Variants in FMN1 observed in about 807,000 individuals in gnomAD.
FMN1 encodes formin 1, also known as formin-1.
FMN1 carries 110 observed loss-of-function variants against 132.4 expected under a neutral mutation model. The observed-to-expected ratio is 0.83, with a 90% CI of 0.71 to 0.97. FMN1 has a LOEUF of 0.97. FMN1 is among the 50% of genes least tolerant of loss of function. The pLI is 0.00. For synonymous variants in FMN1, 722 were observed against 651.7 expected, an observed-to-expected ratio of 1.11 and a Z score of -1.64; for missense variants, 1,792 against 1,705.3, an observed-to-expected ratio of 1.05 and a Z score of -0.90.
At chr15:32,783,615 C>T (rs112940280) in intron 19 of FMN1, among the ~76,000 whole-genome samples, 3,315 of 151,802 alleles carry the variant, frequency 0.022, 91 homozygotes, top group Admixed American at 0.071. Flanking sequence ...TGGTGGTGGG[C>T]GCCTGTAGTC....
Position 32,890,331 on chromosome 15 carries a change from C to A in FMN1, c.3715-2039G>T, listed in dbSNP as rs1389594287. Among the ~76,000 whole-genome samples, 5 of 152,208 alleles carry A rather than the reference C, an allele frequency of 3.3e-5. No homozygotes were observed. The South Asian group carries it at 1.0e-3, about 32-fold the overall frequency. On this transcript the variant is annotated intron_variant, in intron 15 of 20. Coordinates refer to ENST00000616417, the MANE Select transcript of FMN1 (RefSeq NM_001277313.2). ...TCAAATGACAGCTCTACTTTCAGTT[C>A]TTTAAGGAGTCTCCACACTGTTTTC...
chr15:32,829,215 C>G (rs188971552), intron 17 of FMN1, among the ~76,000 whole-genome samples: 8 of 152,304 alleles, frequency 5.3e-5, no homozygotes, highest in Non-Finnish European at 1.2e-4. Flanking sequence ...TACCCAATAA[C>G]AAAAATTTGC....
intron 4 of FMN1, chr15:33,150,202 T>G: frequency 1.0e-6 from 1 of 985,364 alleles, no homozygotes; most frequent in Non-Finnish European, 1.2e-6. Context: ...CAAAGGTAAA[T>G]GAAAGCAAGC....
At chr15:33,124,597 T>C (rs539798336) in intron 4 of FMN1, among the ~76,000 whole-genome samples, 151 of 152,302 alleles carry the variant, frequency 9.9e-4, no homozygotes, top group South Asian at 3.1e-3. Flanking sequence ...CATCAGCATA[T>C]ACAAATATTG....
At chr15:33,127,893 T>C (rs955493612) in intron 4 of FMN1, among the ~76,000 whole-genome samples, 3 of 151,806 alleles carry the variant, frequency 2.0e-5, no homozygotes, top group African/African-American at 7.3e-5. Context: ...TATGCCTCTC[T>C]TTATTCTACA....
At chr15:32,998,659 T>C (rs906967064) in intron 7 of FMN1, among the ~76,000 whole-genome samples, 19 of 152,064 alleles carry the variant, frequency 1.2e-4, no homozygotes, top group African/African-American at 4.6e-4. Flanking sequence ...ACGCAGAAAC[T>C]CACCGGTTCC....
At chr15:33,187,181 G>T (rs1430565745) in intron 2 of FMN1, among the ~76,000 whole-genome samples, 1 of 152,096 alleles carries the variant, frequency 6.6e-6, no homozygotes, top group African/African-American at 2.4e-5. Flanking sequence ...ATTTCTCCTT[G>T]TATTTTCCCC....
intron 6 of FMN1, among the ~76,000 whole-genome samples, chr15:33,026,039 C>T (rs2035650101): frequency 6.6e-6 from 1 of 151,984 alleles, no homozygotes. Context: ...TCAAAACTTA[C>T]ACTGTGACAG....
At chr15:33,096,845 G>A (rs967322004) in intron 4 of FMN1, among the ~76,000 whole-genome samples, 3 of 152,130 alleles carry the variant, frequency 2.0e-5, no homozygotes, top group South Asian at 2.1e-4. Context: ...AAAGCAATCC[G>A]CCAGCCTTGG....
intron 9 of FMN1, among the ~76,000 whole-genome samples, chr15:32,955,318 TCTGA>T (rs1202167707): frequency 1.3e-5 from 2 of 152,222 alleles, no homozygotes; most frequent in Non-Finnish European, 2.9e-5. Context: ...CAGGGGCTGT[TCTGA>T]CTATCACATA....
At chr15:33,114,710 T>G (rs1299868367) in intron 4 of FMN1, among the ~76,000 whole-genome samples, 1 of 152,128 alleles carries the variant, frequency 6.6e-6, no homozygotes, top group Non-Finnish European at 1.5e-5. Flanking sequence ...TCTCCTAAAC[T>G]ATAAACTCCA....
intron 6 of FMN1, chr15:33,012,131 C>T (rs2034763820): frequency 2.1e-6 from 1 of 474,470 alleles, no homozygotes; most frequent in South Asian, 2.1e-5. Flanking sequence ...GTCTGCACAT[C>T]AGAGTCCCTC....
intron 10 of FMN1, among the ~76,000 whole-genome samples, chr15:32,915,186 G>A (rs1385117432): frequency 6.6e-6 from 1 of 152,120 alleles, no homozygotes; most frequent in Non-Finnish European, 1.5e-5. Flanking sequence ...CCAAGTCCTA[G>A]GATGCCTAAG....
chr15:33,034,675 ATTT>A (rs34570711), intron 6 of FMN1, among the ~76,000 whole-genome samples: 1 of 151,800 alleles, frequency 6.6e-6, no homozygotes, highest in African/African-American at 2.4e-5. Flanking sequence ...CCAGAATCTG[ATTT>A]TTTTTTTACT....
chr15:33,019,754 G>A (rs1229383451), intron 6 of FMN1, among the ~76,000 whole-genome samples: 2 of 152,214 alleles, frequency 1.3e-5, no homozygotes, highest in African/African-American at 2.4e-5. Flanking sequence ...CGGCAGGGCC[G>A]GCAGGCCACT....
Position 32,798,878 on chromosome 15 carries a change from A to C in FMN1, c.4056T>G (p.Phe1352Leu). Residue 1352 changes from phenylalanine to leucine, a missense_variant, in exon 19 of 21, where the codon TTT (phenylalanine) becomes TTG (leucine). Phe to Leu is a conservative substitution (Grantham distance 22, BLOSUM62 0). Coordinates refer to ENST00000616417, the MANE Select transcript of FMN1 (RefSeq NM_001277313.2). Reference sequence around the variant, plus strand: ...CACTGCAGAACTCATACCACACCATAAACACGTAGCTGGGTGTGATCTCCT... The same window carrying C: ...CACTGCAGAACTCATACCACACCATCAACACGTAGCTGGGTGTGATCTCCT... ...GEKEITPSYV[F>L]MVWYEFCSDF... 1 of 1,613,194 alleles carries C rather than the reference A, an allele frequency of 6.2e-7. No individual in the cohort carries two copies. The highest frequency in any genetic ancestry group is 8.5e-7 in the Non-Finnish European group (1 of 1,179,482).
chr15:32,917,908 G>A (rs1430979963), intron 10 of FMN1, among the ~76,000 whole-genome samples: 1 of 152,152 alleles, frequency 6.6e-6, no homozygotes, highest in Non-Finnish European at 1.5e-5. Flanking sequence ...TACAGCCCAT[G>A]TTATGAAAAT....
chr15:33,092,119 G>C (rs2038925544), intron 4 of FMN1, among the ~76,000 whole-genome samples: 1 of 152,156 alleles, frequency 6.6e-6, no homozygotes, highest in South Asian at 2.1e-4. Flanking sequence ...CACAGTAAAG[G>C]TAGGGTGACT....
intron 4 of FMN1, among the ~76,000 whole-genome samples, chr15:33,118,555 A>G (rs1291555096): frequency 6.6e-6 from 1 of 152,218 alleles, no homozygotes; most frequent in African/African-American, 2.4e-5. Context: ...AAACTTGTTG[A>G]TAAGAATCAA....
Sources: gnomAD v4.1 joint callset for allele counts (sites outside exome capture counted in the v4.1 genomes callset) on GRCh38, gnomAD v4.1.1 for gene constraint, MANE v1.5 for transcripts, NCBI Gene and HGNC (gene_info 2026-07-23, HGNC 2026-07-21) for gene names.